SCML4: variants seen among roughly 807,000 people sequenced by gnomAD.
The protein encoded by SCML4 is Scm polycomb group protein like 4.
A neutral mutation model predicts 41.1 loss-of-function variants in SCML4; 34 were observed. That is an observed-to-expected ratio of 0.83 (90% confidence interval 0.63 to 1.10). The LOEUF is 1.10. Ranked by LOEUF, SCML4 falls within the 50% of genes least tolerant of loss-of-function variation. The pLI, the probability that SCML4 is intolerant of heterozygous loss-of-function variation, is 0.00. For synonymous variants in SCML4, 214 were observed against 220.9 expected (o/e 0.97, Z 0.28); for missense variants, 522 against 534.1 (o/e 0.98, Z 0.22).
intron 1 of SCML4, among the ~76,000 whole-genome samples, chr6:107,822,508 C>CTTTTCT (rs972683975): frequency 2.9e-5 from 4 of 137,998 alleles, no homozygotes; most frequent in African/African-American, 8.6e-5. Context: ...TTTTTCTTTT[C>CTTTTCT]TTTTTTTTTT....
At chr6:107,824,490 GT>G (rs1785170421), upstream of SCML4, among the ~76,000 whole-genome samples, 1 of 142,772 alleles carries the variant, frequency 7.0e-6, no homozygotes, top group Non-Finnish European at 1.5e-5. Flanking sequence ...GTGTGTGTGT[GT>G]GTGTGTGTGT....
rs1778150870 is a variant in SCML4 at position 107,746,819 on chromosome 6, C to T, written c.357G>A (p.Pro119=). 6 of 1,614,126 alleles carry T rather than the reference C, an allele frequency of 3.7e-6. No homozygotes were observed. Among genetic ancestry groups the T allele is most frequent in the South Asian group, 1.1e-5 (1 of 91,058 alleles). ...YLERKKVQQL[P]EHFGPERPSA... Reference sequence around the variant, plus strand: ...ATGGCCGCTCGGGCCCAAAATGCTCCGGGAGCTGCTGCACCTTCTTCCTCT... The same window carrying T: ...ATGGCCGCTCGGGCCCAAAATGCTCTGGGAGCTGCTGCACCTTCTTCCTCT... The change falls in exon 4 of 8, where the codon CCG becomes CCA. Residue 119 remains proline (P), a synonymous_variant. Coordinates refer to ENST00000369020, the MANE Select transcript of SCML4 (RefSeq NM_198081.5).
At chr6:107,751,616 T>TCTCTCTCTCTCTCTC (rs1562218800) in intron 2 of SCML4, among the ~76,000 whole-genome samples, 2 of 147,702 alleles carry the variant, frequency 1.4e-5, no homozygotes, top group East Asian at 4.3e-4. Context: ...CTTTCTTTCT[T>TCTCTCTCTCTCTCTC]TCTTTCTTTC....
At chr6:107,772,880 T>A (rs952209010) in intron 1 of SCML4, among the ~76,000 whole-genome samples, 1 of 152,248 alleles carries the variant, frequency 6.6e-6, no homozygotes, top group Non-Finnish European at 1.5e-5. Context: ...ATCAATTGTA[T>A]GAAAGTTGAT....
At chr6:107,813,107 A>C (rs1289168565) in intron 1 of SCML4, among the ~76,000 whole-genome samples, 1 of 151,920 alleles carries the variant, frequency 6.6e-6, no homozygotes, top group African/African-American at 2.4e-5. Context: ...TCATGCTTAT[A>C]GTCCCAGCAC....
rs1228584919 is a variant in SCML4 at position 107,822,679 on chromosome 6, C to T, written c.-60+1447G>A. 2.0e-5 allele frequency among the ~76,000 whole-genome samples: 3 copies of T among 151,978 alleles called. No individual in the cohort carries two copies. The East Asian group carries it at 5.8e-4, about 29-fold the overall frequency. ...AAATATTTCAGAGCTCATCTACGTA[C>T]ACAATTTAAAGAGCTAAAGAAAACA... On this transcript the variant is annotated intron_variant, in intron 1 of 7. Coordinates refer to ENST00000369020, the MANE Select transcript of SCML4 (RefSeq NM_198081.5).
chr6:107,709,536 G>A lies in SCML4; in HGVS notation c.974-1525C>T, dbSNP rs531593818. ...CTGGGTACACTTGTTGTGACCGACCGAATGTCTCCCCAGCTTCCTTCCTCT... is the reference window on the plus strand; with the variant it reads ...CTGGGTACACTTGTTGTGACCGACCAAATGTCTCCCCAGCTTCCTTCCTCT... On this transcript the variant is annotated intron_variant, in intron 6 of 7. Coordinates refer to ENST00000369020, the MANE Select transcript of SCML4 (RefSeq NM_198081.5). Among the ~76,000 whole-genome samples the A allele has an allele frequency of 4.3e-4, 66 of 152,280 alleles. 1 individual carries two copies. The highest frequency in any genetic ancestry group is 4.1e-3 in the South Asian group (20 of 4,828).
chr6:107,726,016 G>T (rs1438285352), intron 5 of SCML4, among the ~76,000 whole-genome samples: 5 of 148,462 alleles, frequency 3.4e-5, no homozygotes. Context: ...GGCAGAGGTT[G>T]CAGTGAGCCG....
chr6:107,720,845 G>C lies in SCML4; in HGVS notation c.831C>G (p.Ser277Arg). 3 of 1,614,126 alleles carry C rather than the reference G, an allele frequency of 1.9e-6. No homozygotes were observed. The South Asian group carries it at 3.3e-5, about 18-fold the overall frequency. ...TGGCAGCAGGACCACCCCCAAGGTG[G>C]CTGTCTCCAGAGTTCTGCCTCTTGC... ...LYCKRQNSGD[S>R]HLGGGPAATA... Residue 277 changes from serine to arginine, a missense_variant, in exon 6 of 8, where the codon AGC becomes AGG. Coordinates refer to ENST00000369020, the MANE Select transcript of SCML4 (RefSeq NM_198081.5).
Position 107,729,086 on chromosome 6 carries a change from C to T in SCML4, c.683-8093G>A, listed in dbSNP as rs200852437. Among the ~76,000 whole-genome samples, 28 of 152,326 alleles carry T rather than the reference C, an allele frequency of 1.8e-4. No individual in the cohort carries two copies. The East Asian group carries it at 4.4e-3, about 24-fold the overall frequency. ...ACAAGCACCCAGCCCAGCATTTCCC[C>T]AAATGTTAAATGCTTTCCACTGGCG... is the stretch of plus-strand genomic sequence containing the variant. On this transcript the variant is annotated intron_variant, in intron 5 of 7. Coordinates refer to ENST00000369020, the MANE Select transcript of SCML4 (RefSeq NM_198081.5).
chr6:107,838,919 T>C, the SCML4 span, among the ~76,000 whole-genome samples: 1 of 151,620 alleles, frequency 6.6e-6, no homozygotes, highest in Non-Finnish European at 1.5e-5. Flanking sequence ...AGTTAAGCCC[T>C]CTTAACTCTT....
the SCML4 span, among the ~76,000 whole-genome samples, chr6:107,830,885 C>G: frequency 1.3e-5 from 2 of 152,108 alleles, no homozygotes; most frequent in Admixed American, 6.6e-5. Context: ...TGGGTGATCT[C>G]CAAGCACTAG....
chr6:107,707,801 A>C, intron 7 of SCML4, 65 bp downstream of exon 7: 2 of 1,541,936 alleles, frequency 1.3e-6, no homozygotes, highest in Non-Finnish European at 1.8e-6. Flanking sequence ...AGCTCCCTGG[A>C]CCTCACTCTC....
At chr6:107,839,374 AAAG>A in the SCML4 span, among the ~76,000 whole-genome samples, 45 of 148,736 alleles carry the variant, frequency 3.0e-4, no homozygotes, top group South Asian at 9.3e-3. Flanking sequence ...AGAAGGAAAG[AAAG>A]AAAGAAAGAA....
At chr6:107,709,439 AG>A (rs1348216846) in intron 6 of SCML4, among the ~76,000 whole-genome samples, 2 of 152,208 alleles carry the variant, frequency 1.3e-5, no homozygotes, top group Non-Finnish European at 2.9e-5. Flanking sequence ...GACCTATGTC[AG>A]GTGCTCCGCC....
intron 1 of SCML4, among the ~76,000 whole-genome samples, chr6:107,820,703 C>G (rs76758701): frequency 0.011 from 1,750 of 152,272 alleles, 31 homozygotes; most frequent in African/African-American, 0.039. Flanking sequence ...GGGCTGGCAG[C>G]CAGGGCGTTC....
intron 1 of SCML4, among the ~76,000 whole-genome samples, chr6:107,821,387 T>G (rs946554848): frequency 6.6e-6 from 1 of 152,164 alleles, no homozygotes; most frequent in African/African-American, 2.4e-5. Context: ...AGAAATAAGA[T>G]GTCTAGGGAG....
the SCML4 span, among the ~76,000 whole-genome samples, chr6:107,830,019 A>G: frequency 1.3e-5 from 2 of 152,272 alleles, no homozygotes; most frequent in East Asian, 3.9e-4. Context: ...GATGGGCTTC[A>G]CTATCACGAA....
At chr6:107,729,070 C>T (rs1482211960) in intron 5 of SCML4, among the ~76,000 whole-genome samples, 1 of 152,230 alleles carries the variant, frequency 6.6e-6, no homozygotes, top group East Asian at 1.9e-4. Flanking sequence ...CACAAGCACC[C>T]AGCCCAGCAT....
Sources: allele counts gnomAD v4.1 joint callset (sites outside exome capture counted in the v4.1 genomes callset), GRCh38; gene constraint gnomAD v4.1.1; transcripts MANE v1.5; gene names NCBI Gene and HGNC (gene_info 2026-07-23, HGNC 2026-07-21).